CELSR1: variants seen among roughly 807,000 people sequenced by gnomAD.
CELSR1 encodes the protein adhesion G protein-coupled receptor C1.
CELSR1 carries 110 observed loss-of-function variants against 249.1 expected under a neutral mutation model. That is an observed-to-expected ratio of 0.44 (90% CI 0.38 to 0.52). CELSR1 has a LOEUF of 0.52. Ranked by LOEUF, CELSR1 falls within the 20% of genes least tolerant of loss-of-function variation. The pLI is 0.00. For synonymous variants in CELSR1, 2,113 were observed against 1,900.0 expected, an observed-to-expected ratio of 1.11 and a Z score of -2.92; for missense variants, 4,109 against 4,296.4, an observed-to-expected ratio of 0.96 and a Z score of 1.22.
In CELSR1 at chr22:46,396,774, C is replaced by T. The variant is rs528966391; in HGVS notation, c.5702-28G>A. On this transcript the variant is annotated intron_variant, in intron 12 of 34. Coordinates refer to ENST00000674500, the MANE Select transcript of CELSR1 (RefSeq NM_001378328.1). This position sits in a 1 kb window ranked among gnomAD's most constrained non-coding sequence, Gnocchi z 6.4. The stretch of plus-strand genomic sequence containing the variant: ...GCAAGGACAGAGCCAGCATTACCTC[C>T]ACCCACAATCCACGAGACCTTCCAC... 40 of 1,605,984 alleles carry T rather than the reference C, an allele frequency of 2.5e-5. No individual in the cohort carries two copies. In the East Asian group the frequency reaches 8.1e-4, roughly 33 times the overall value.
chr22:46,449,893 G>T (rs1394127585), intron 2 of CELSR1, among the ~76,000 whole-genome samples: 1 of 152,122 alleles, frequency 6.6e-6, no homozygotes, highest in African/African-American at 2.4e-5. Context: ...CCAAACCTGA[G>T]AAAGTACCTC....
intron 2 of CELSR1, among the ~76,000 whole-genome samples, chr22:46,451,548 G>A (rs1397949320): frequency 6.6e-6 from 1 of 152,160 alleles, no homozygotes; most frequent in Non-Finnish European, 1.5e-5. Context: ...CCGTCTTCTG[G>A]TGCTTGCAGC....
chr22:46,491,554 C>T (rs919249903), intron 1 of CELSR1, among the ~76,000 whole-genome samples: 27 of 151,736 alleles, frequency 1.8e-4, no homozygotes, highest in African/African-American at 5.8e-4. Flanking sequence ...TGAGCCACCA[C>T]GCCCAGCCGT....
In CELSR1 at chr22:46,397,792, T is replaced by C; in HGVS notation, c.5583A>G (p.Ala1861=). ...AGCCGTCCTTCACCCTGACCTTGAG[T>C]GCGTTGTTCATGTTCAGGGTGGCGA... ...TNVATLNMNN[A]LKVRVKDGCD... The change falls in exon 12 of 35, where the codon GCA becomes GCG. Residue 1861 remains alanine, a synonymous_variant. Coordinates refer to ENST00000674500, the MANE Select transcript of CELSR1 (RefSeq NM_001378328.1). The C allele has an allele frequency of 6.2e-7, 1 of 1,602,332 alleles. No individual in the cohort carries two copies. The highest frequency in any genetic ancestry group is 1.1e-5 in the South Asian group (1 of 88,974).
chr22:46,520,229 G>T (rs1414748683), intron 1 of CELSR1, among the ~76,000 whole-genome samples: 3 of 152,116 alleles, frequency 2.0e-5, no homozygotes, highest in Non-Finnish European at 4.4e-5. Flanking sequence ...AAAAGGCACA[G>T]AAGGAAGAAG....
At position 46,364,608 on chromosome 22, in the gene CELSR1, C is replaced by T. The variant is rs371900887; in HGVS notation, c.8683G>A (p.Glu2895Lys). 14 of 1,612,568 alleles carry T rather than the reference C, an allele frequency of 8.7e-6. No homozygotes were observed. Among genetic ancestry groups the T allele is most frequent in the South Asian group, 6.6e-5 (6 of 91,090 alleles). ...TCTCCACGGTGACTGCCCTGCTCCT[C>T]GCGGTGCAGCTCCACGCTGACCTTG... Reference protein sequence around the residue: ...ETKVSVELHREEQGSHRGEYP... With the variant: ...ETKVSVELHRKEQGSHRGEYP... Residue 2895 changes from glutamate (E) to lysine (K), a missense_variant, in exon 33 of 35, where the codon GAG (glutamate) becomes AAG (lysine). Around this residue, in one of 7 missense-constraint regions of CELSR1, gnomAD observed 1,805 missense variants for 1,831.6 expected, o/e 0.99. Transcript: ENST00000674500.
chr22:46,466,902 G>A (rs1009760891), intron 1 of CELSR1, among the ~76,000 whole-genome samples: 2 of 152,188 alleles, frequency 1.3e-5, no homozygotes, highest in Admixed American at 6.5e-5. Flanking sequence ...CACAGGAAGA[G>A]ACAGCAGAGA....
Position 46,535,172 on chromosome 22 carries a change from TG to T in CELSR1, c.1998del (p.Met667Ter), listed in dbSNP as rs1471316712. The T allele has an allele frequency of 6.2e-7, 1 of 1,609,388 alleles. No homozygotes were observed. ...GVEAVDHGSP[P>X]MSSSTSVSIT... ...ATGGACACGCTGGTGGAGGAGCTCATGGGGGGCGAGCCGTGGTCCACCGCCT... is the reference window on the plus strand; with the variant it reads ...ATGGACACGCTGGTGGAGGAGCTCATGGGGGCGAGCCGTGGTCCACCGCCT... On this transcript the variant is annotated frameshift_variant, in exon 1 of 35. Transcript: ENST00000674500. LOFTEE classifies it high-confidence loss of function.
At chr22:46,513,466 T>C (rs2080594077) in intron 1 of CELSR1, among the ~76,000 whole-genome samples, 1 of 152,060 alleles carries the variant, frequency 6.6e-6, no homozygotes, top group African/African-American at 2.4e-5. Flanking sequence ...AGGGAGGCAA[T>C]CCAACACACT....
Position 46,365,353 on chromosome 22 carries a change from A to G in CELSR1, c.8432T>C (p.Leu2811Pro). The change falls in exon 32 of 35, where the codon CTG becomes CCG. Residue 2811 changes from leucine (L) to proline (P), a missense_variant. Leu to Pro is a moderately conservative substitution (Grantham distance 98). This residue lies in a region of CELSR1 where 1,805 missense variants were observed against 1,831.6 expected (regional missense o/e 0.99). Coordinates refer to ENST00000674500, the MANE Select transcript of CELSR1 (RefSeq NM_001378328.1). ...PGHDSDSDSE[L>P]SLDEQSSSYA... ...AGAGCTGCTCTGCTCATCCAGGGACAGCTCGCTATCTGAGTCGGAATCGTG... is the reference window on the plus strand; with the variant it reads ...AGAGCTGCTCTGCTCATCCAGGGACGGCTCGCTATCTGAGTCGGAATCGTG... 6.2e-7 allele frequency: 1 copy of G among 1,612,930 alleles called. No individual in the cohort carries two copies. The highest frequency in any genetic ancestry group is 8.5e-7 in the Non-Finnish European group (1 of 1,179,932).
rs1326333471 is a variant in CELSR1 at position 46,377,080 on chromosome 22, A to T, written c.7565T>A (p.Ile2522Asn). 3.1e-6 allele frequency: 5 copies of T among 1,613,276 alleles called. No individual in the cohort carries two copies. Among genetic ancestry groups the T allele is most frequent in the Admixed American group, 1.7e-5 (1 of 60,012 alleles). The change falls in exon 24 of 35, where the codon ATC becomes AAC. Residue 2522 changes from isoleucine (I) to asparagine (N), a missense_variant. Physicochemically the swap from Ile to Asn is moderately radical, Grantham distance 149 (BLOSUM62 -3). Coordinates refer to ENST00000674500, the MANE Select transcript of CELSR1 (RefSeq NM_001378328.1). ...FLSQLVFVIG[I>N]NQTENPFLCT... ...CCATACCGGGTTTTCCGTCTGGTTG[A>T]TCCCAATCACGAACACCAGCTGAGA... is the stretch of plus-strand genomic sequence containing the variant.
intron 28 of CELSR1, 21 bp from the exon 29 acceptor site, chr22:46,367,139 T>TC (rs1227989378): frequency 6.2e-7 from 1 of 1,606,996 alleles, no homozygotes; most frequent in East Asian, 2.2e-5. Context: ...GAAGGTGGGG[T>TC]CAGCACCTGC....
chr22:46,526,225 G>A lies in CELSR1; in HGVS notation c.3544+7402C>T, dbSNP rs543102611. Among the ~76,000 whole-genome samples the A allele has an allele frequency of 1.4e-4, 21 of 152,280 alleles. No homozygotes were observed. The highest frequency in any genetic ancestry group is 5.1e-4 in the African/African-American group (21 of 41,540). ...GACTCAGAGAGAGGCAGAAGTTACT[G>A]TCCTGGCAAACCCGTCTACGAAGCT... On this transcript the variant is annotated intron_variant, in intron 1 of 34. Transcript: ENST00000674500. The surrounding 1 kb of genome is among the most constrained non-coding windows in gnomAD (Gnocchi z 4.7).
At position 46,536,213 on chromosome 22, in the gene CELSR1, C is replaced by T. The variant is rs763246120; in HGVS notation, c.958G>A (p.Val320Ile). Residue 320 changes from valine (V) to isoleucine (I), a missense_variant, in exon 1 of 35, where the codon GTC becomes ATC. By Grantham distance (29) the Val-to-Ile change is conservative. This residue lies in a region of CELSR1 where 673 missense variants were observed against 636.8 expected (regional missense o/e 1.06). Coordinates refer to ENST00000674500, the MANE Select transcript of CELSR1 (RefSeq NM_001378328.1). Reference protein sequence around the residue: ...VLDRETKETHVLRVKAVDYST... With the variant: ...VLDRETKETHILRVKAVDYST... Reference sequence around the variant, plus strand: ...TAGTCCACGGCTTTCACCCTGAGGACGTGCGTCTCCTTGGTCTCGCGGTCC... The same window carrying T: ...TAGTCCACGGCTTTCACCCTGAGGATGTGCGTCTCCTTGGTCTCGCGGTCC... The T allele has an allele frequency of 1.2e-6, 2 of 1,612,576 alleles. No homozygotes were observed. The highest frequency in any genetic ancestry group is 1.3e-5 in the African/African-American group (1 of 74,934).
intron 9 of CELSR1, among the ~76,000 whole-genome samples, chr22:46,403,723 A>C (rs1240734514): frequency 6.6e-6 from 1 of 152,096 alleles, no homozygotes; most frequent in African/African-American, 2.4e-5. Context: ...CTCTAATCCC[A>C]ATACTTTGGG....
Position 46,463,916 on chromosome 22 carries a change from T to A in CELSR1, c.3974A>T (p.Asp1325Val). ...YMKCVSVLRF[D>V]SSAPFLSSTT... is the part of the protein sequence containing the mutation. ...GGAGCTGAGGAAGGGCGCGGAGCTG[T>A]CGAATCGCAGAACGGACACGCACTT... Residue 1325 changes from aspartate (D) to valine (V), a missense_variant, in exon 2 of 35, where the codon GAC becomes GTC. By Grantham distance (152) the Asp-to-Val change is radical. This residue lies in a region of CELSR1 where 141 missense variants were observed against 209.4 expected (regional missense o/e 0.67). Transcript: ENST00000674500. 1 of 1,613,880 alleles carries A rather than the reference T, an allele frequency of 6.2e-7. No homozygotes were observed. The highest frequency in any genetic ancestry group is 2.2e-5 in the East Asian group (1 of 44,864).
chr22:46,378,241 AC>A (rs764656781), intron 23 of CELSR1, among the ~76,000 whole-genome samples: 28 of 151,940 alleles, frequency 1.8e-4, no homozygotes, highest in Non-Finnish European at 3.1e-4. Flanking sequence ...CGTCCAACAG[AC>A]CCGCACTGAA....
At chr22:46,443,997 C>T (rs73177086) in intron 2 of CELSR1, among the ~76,000 whole-genome samples, 4,066 of 152,342 alleles carry the variant, frequency 0.027, 108 homozygotes, top group Non-Finnish European at 0.04. Context: ...CACCCAACCT[C>T]GACGGCAAAC....
chr22:46,392,886 A>G (rs1423577394), intron 14 of CELSR1, among the ~76,000 whole-genome samples: 2 of 152,098 alleles, frequency 1.3e-5, no homozygotes, highest in Non-Finnish European at 2.9e-5. Context: ...AAAAAATCGT[A>G]GGCAAGTTTT....
Sources: allele counts gnomAD v4.1 joint callset (sites outside exome capture counted in the v4.1 genomes callset), GRCh38; gene constraint gnomAD v4.1.1; regional missense constraint gnomAD v4.1.1; non-coding constraint Gnocchi (gnomAD v3.1); transcripts MANE v1.5; gene names NCBI Gene and HGNC (gene_info 2026-07-23, HGNC 2026-07-21).